Variants in LARP6 observed in about 807,000 individuals in gnomAD.
LARP6 encodes La ribonucleoprotein 6, translational regulator.
Under a neutral mutation model 32.8 loss-of-function variants are expected in LARP6, and 18 were observed. That is an observed-to-expected ratio of 0.55 (90% CI 0.38 to 0.81). The LOEUF (loss-of-function observed/expected upper bound fraction) is 0.81, where lower values mean the gene tolerates loss of function less well. Among genes scored for constraint, LARP6 ranks in the 40% least tolerant of loss-of-function variants. The pLI is 0.00. For synonymous variants in LARP6, 289 were observed against 267.2 expected (o/e 1.08, Z -0.80); for missense variants, 598 against 663.1 (o/e 0.90, Z 1.08).
rs1026442593 is a variant in LARP6, at chr15:70,831,886, A to C, written c.*166T>G. The C allele has an allele frequency of 1.5e-5, 7 of 463,296 alleles. No individual in the cohort carries two copies. The highest frequency in any genetic ancestry group is 2.6e-5 in the Non-Finnish European group (7 of 268,012). The allele number at this position is 463,296 out of a possible 1,614,324, so 28.7% of individuals were successfully genotyped here. On this transcript the variant is annotated 3_prime_UTR_variant, in exon 3 of 3. Coordinates refer to ENST00000299213, the MANE Select transcript of LARP6 (RefSeq NM_018357.4). Reference sequence around the variant, plus strand: ...TGAACTAGAAGGTGGTCTTCAAACCATGGCGTACCGATTTATGTATATTAC... The same window carrying C: ...TGAACTAGAAGGTGGTCTTCAAACCCTGGCGTACCGATTTATGTATATTAC...
chr15:70,853,919 G>T lies in LARP6; in HGVS notation c.170C>A (p.Ala57Glu). The change falls in exon 1 of 3, where the codon GCG (alanine) becomes GAG (glutamate). Residue 57 changes from alanine to glutamate, a missense_variant. Transcript: ENST00000299213. ...ARYLSPGWGS[A>E]SEEEPSRGHS... ...CCCGCGGCTCGGCTCCTCCTCGCTC[G>T]CGCTGCCCCAGCCGGGGCTGAGGTA... 1.4e-6 allele frequency: 2 copies of T among 1,392,102 alleles called. No homozygotes were observed. Among genetic ancestry groups the T allele is most frequent in the Admixed American group, 2.7e-5 (1 of 36,498 alleles). 86.2% of individuals were successfully genotyped at this position (1,392,102 alleles called of 1,614,324 possible).
chr15:70,832,132 C>A lies in LARP6; in HGVS notation c.1396G>T (p.Val466Leu), dbSNP rs201700915. ...RKMQTADGLP[V>L]GVLRLPRGPD... ...CCCCTGGGCAACCTCAGCACCCCTA[C>A]GGGTAGCCCATCTGCAGTCTGCATC... Residue 466 changes from valine (V) to leucine (L), a missense_variant, in exon 3 of 3, where the codon GTA (valine) becomes TTA (leucine). Physicochemically the swap from Val to Leu is conservative, Grantham distance 32 (BLOSUM62 1). Transcript: ENST00000299213. 8.8e-5 allele frequency: 142 copies of A among 1,607,294 alleles called. No homozygotes were observed. The highest frequency in any genetic ancestry group is 2.4e-5 in the Non-Finnish European group (28 of 1,176,682).
At chr15:70,836,655 G>A (rs1215399673) in intron 1 of LARP6, 150 bp from the exon 2 acceptor site, 4 of 657,954 alleles carry the variant, frequency 6.1e-6, no homozygotes, top group Non-Finnish European at 7.9e-6. Context: ...TTAAGATGAG[G>A]TCTTACTGGA....
chr15:70,842,595 A>G (rs1046258831), intron 1 of LARP6, among the ~76,000 whole-genome samples: 3 of 151,938 alleles, frequency 2.0e-5, no homozygotes. Flanking sequence ...CTAACTTCTC[A>G]CCTTCTGCAG....
Position 70,842,332 on chromosome 15 carries a change from G to A in LARP6, c.201-5827C>T, listed in dbSNP as rs151326626. Among the ~76,000 whole-genome samples, 555 of 152,130 alleles carry A rather than the reference G, an allele frequency of 3.6e-3. 2 individuals are homozygous for A. Among genetic ancestry groups the A allele is most frequent in the Non-Finnish European group, 3.9e-3 (268 of 68,002 alleles). On this transcript the variant is annotated intron_variant, in intron 1 of 2. Coordinates refer to ENST00000299213, the MANE Select transcript of LARP6 (RefSeq NM_018357.4). ...CAAACTGTTGGGATTACAGGTATGA[G>A]CCACCATGCCTGGCCTCTCTCCTCA...
chr15:70,852,370 A>G (rs923075593), intron 1 of LARP6: 6 of 436,800 alleles, frequency 1.4e-5, no homozygotes, highest in African/African-American at 1.2e-4. Context: ...CAAGAGGCCT[A>G]CCCATACTGA....
intron 1 of LARP6, among the ~76,000 whole-genome samples, chr15:70,846,655 A>G (rs992788116): frequency 1.1e-5 from 1 of 89,212 alleles, no homozygotes; most frequent in African/African-American, 3.4e-5. Flanking sequence ...CATACATAAT[A>G]AAAAAAAAAC....
intron 1 of LARP6, chr15:70,851,797 A>G: frequency 6.3e-7 from 1 of 1,595,566 alleles, no homozygotes; most frequent in South Asian, 1.1e-5. Flanking sequence ...CTACAGCAAC[A>G]GAGAAGAAAG....
chr15:70,844,156 C>T (rs1180411294), intron 1 of LARP6, among the ~76,000 whole-genome samples: 2 of 151,924 alleles, frequency 1.3e-5, no homozygotes, highest in Non-Finnish European at 2.9e-5. Context: ...AGAGTTTCAC[C>T]ATGTTGGCCA....
chr15:70,849,203 A>T (rs778413018), intron 1 of LARP6: 5 of 152,200 alleles, frequency 3.3e-5, no homozygotes, highest in Non-Finnish European at 7.3e-5. Flanking sequence ...TTAAAAATAC[A>T]AAAATTAGCT....
At chr15:70,833,145 G>C (rs774632835) in intron 2 of LARP6, 29 bp from the exon 3 acceptor site, 1 of 1,577,936 alleles carries the variant, frequency 6.3e-7, no homozygotes. Context: ...ATCTGAAATA[G>C]TATCTAATGT....
At chr15:70,853,860 C>T (rs1052006496) in intron 1 of LARP6, 29 bp downstream of exon 1, 9 of 1,238,234 alleles carry the variant, frequency 7.3e-6, no homozygotes, top group African/African-American at 1.6e-5. Context: ...CCCTCGGGGC[C>T]CACCTCCCGG....
chr15:70,840,795 C>T (rs911117941), intron 1 of LARP6, among the ~76,000 whole-genome samples: 1 of 152,104 alleles, frequency 6.6e-6, no homozygotes, highest in East Asian at 1.9e-4. Flanking sequence ...TGGGGTCCTA[C>T]TCCCAGGACA....
intron 2 of LARP6, among the ~76,000 whole-genome samples, chr15:70,835,462 G>GA (rs2032129477): frequency 6.6e-6 from 1 of 152,090 alleles, no homozygotes; most frequent in East Asian, 1.9e-4. Context: ...ATGAATAAAG[G>GA]AAAAAGAGCG....
chr15:70,847,415 G>A (rs1172679744), intron 1 of LARP6, among the ~76,000 whole-genome samples: 1 of 151,804 alleles, frequency 6.6e-6, no homozygotes, highest in Non-Finnish European at 1.5e-5. Context: ...TATCGCCTAG[G>A]CTGGAGTGCA....
chr15:70,838,364 C>A (rs1424864981), intron 1 of LARP6, among the ~76,000 whole-genome samples: 33 of 152,138 alleles, frequency 2.2e-4, no homozygotes, highest in Admixed American at 2.2e-3. Context: ...GAGTGCCTAG[C>A]GTACCGTTAA....
rs560666880 is a variant in LARP6 at position 70,830,286 on chromosome 15, T to C, written c.*1766A>G. On this transcript the variant is annotated 3_prime_UTR_variant, in exon 3 of 3. Coordinates refer to ENST00000299213, the MANE Select transcript of LARP6 (RefSeq NM_018357.4). ...CATATCATTTAGGATATACTATCTT[T>C]GTCCATTTTCACAAGTTTGGGATAT... is the stretch of plus-strand genomic sequence containing the variant. 6.6e-6 allele frequency: 1 copy of C among 152,392 alleles called. No homozygotes were observed. Among genetic ancestry groups the C allele is most frequent in the African/African-American group, 2.4e-5 (1 of 41,604 alleles). 9.4% of individuals were successfully genotyped at this position (152,392 alleles called of 1,614,324 possible).
At chr15:70,848,370 G>A (rs183553270) in intron 1 of LARP6, among the ~76,000 whole-genome samples, 41 of 152,264 alleles carry the variant, frequency 2.7e-4, no homozygotes, top group East Asian at 5.8e-4. Flanking sequence ...ATAATGATTC[G>A]TAGTTTGGAG....
chr15:70,854,054 G>A lies in LARP6; in HGVS notation c.35C>T (p.Pro12Leu). 7.1e-7 allele frequency: 1 copy of A among 1,404,138 alleles called. No homozygotes were observed. The highest frequency in any genetic ancestry group is 9.3e-7 in the Non-Finnish European group (1 of 1,070,456). The allele number at this position is 1,404,138 out of a possible 1,614,324, so 87.0% of individuals were successfully genotyped here. ...GACGCGGATCTGCACCGCCGTCTTGGGCCCGGGCCGAGCCTCCCCGCCGGA... is the reference window on the plus strand; with the variant it reads ...GACGCGGATCTGCACCGCCGTCTTGAGCCCGGGCCGAGCCTCCCCGCCGGA... ...AQSGGEARPG[P>L]KTAVQIRVAI... is the part of the protein sequence containing the mutation. Residue 12 changes from proline to leucine, a missense_variant, in exon 1 of 3, where the codon CCC becomes CTC. Around this residue, in one of 3 missense-constraint regions of LARP6, gnomAD observed 161 missense variants for 148.6 expected, o/e 1.08. Coordinates refer to ENST00000299213, the MANE Select transcript of LARP6 (RefSeq NM_018357.4).
Sources: gnomAD v4.1 joint callset for allele counts (sites outside exome capture counted in the v4.1 genomes callset) on GRCh38, gnomAD v4.1.1 for gene constraint, gnomAD v4.1.1 regional missense constraint, MANE v1.5 for transcripts, NCBI Gene and HGNC (gene_info 2026-07-23, HGNC 2026-07-21) for gene names.